The following FOCAD variants were observed in gnomAD, a reference collection of about 807,000 sequenced individuals.
FOCAD encodes the protein focadhesin.
Under a neutral mutation model 225.6 loss-of-function variants are expected in FOCAD, and 198 were observed. The ratio of observed to expected loss-of-function variants is 0.88; its 90% CI spans 0.78 to 0.99. The LOEUF (loss-of-function observed/expected upper bound fraction) is 0.99, where lower values mean the gene tolerates loss of function less well. Among genes scored for constraint, FOCAD ranks in the 50% least tolerant of loss-of-function variants. FOCAD has a pLI of 0.00. For missense variants in FOCAD, 2,713 were observed against 2,123.6 expected (o/e 1.28, Z -5.46); for synonymous variants, 897 against 755.0 (o/e 1.19, Z -3.08).
At chr9:20,842,656 T>G (rs1826659864) in intron 15 of FOCAD, among the ~76,000 whole-genome samples, 2 of 152,000 alleles carry the variant, frequency 1.3e-5, no homozygotes, top group Admixed American at 6.6e-5. Context: ...CAGTTGAATG[T>G]TGTTTCTTCA....
chr9:20,864,151 T>G (rs1829030795), intron 16 of FOCAD, among the ~76,000 whole-genome samples: 1 of 152,088 alleles, frequency 6.6e-6, no homozygotes, highest in South Asian at 2.1e-4. Context: ...CCCACTTTCA[T>G]CTGTGTGTGT....
chr9:20,944,724 C>T lies in FOCAD; in HGVS notation c.3505C>T (p.Leu1169=). ...RVHVAALLRK[L]SAHVDDSGSQ... ...TCACGTAGCAGCATTGCTCCGGAAGCTGTCTGCGCACGTAGATGACAGCGG... is the reference window on the plus strand; with the variant it reads ...TCACGTAGCAGCATTGCTCCGGAAGTTGTCTGCGCACGTAGATGACAGCGG... Residue 1169 remains leucine, a synonymous_variant, in exon 29 of 44, where the codon CTG becomes TTG. Transcript: ENST00000338382. The T allele has an allele frequency of 1.2e-6, 2 of 1,614,066 alleles. No homozygotes were observed. The highest frequency in any genetic ancestry group is 1.7e-6 in the Non-Finnish European group (2 of 1,179,936).
chr9:20,780,462 C>G (rs1194614385), intron 9 of FOCAD, among the ~76,000 whole-genome samples: 1 of 152,106 alleles, frequency 6.6e-6, no homozygotes, highest in Admixed American at 6.6e-5. Flanking sequence ...CTCTCGTAAA[C>G]CAATATCTCT....
At chr9:20,835,802 G>A (rs1271631701) in intron 15 of FOCAD, among the ~76,000 whole-genome samples, 1 of 152,006 alleles carries the variant, frequency 6.6e-6, no homozygotes, top group Admixed American at 6.6e-5. Flanking sequence ...AAATTAATAG[G>A]CGTTGCAAGA....
intron 18 of FOCAD, among the ~76,000 whole-genome samples, chr9:20,868,971 C>G (rs1016438274): frequency 6.6e-6 from 1 of 152,112 alleles, no homozygotes; most frequent in Non-Finnish European, 1.5e-5. Context: ...CACCTAAAGA[C>G]TAAAAGTCCA....
chr9:20,873,271 C>T (rs1236910618), intron 18 of FOCAD, among the ~76,000 whole-genome samples: 1 of 152,100 alleles, frequency 6.6e-6, no homozygotes, highest in Non-Finnish European at 1.5e-5. Flanking sequence ...GGAAGCAAGG[C>T]AGAAGAACTC....
At chr9:20,896,053 C>G (rs1178391370) in intron 21 of FOCAD, among the ~76,000 whole-genome samples, 1 of 151,724 alleles carries the variant, frequency 6.6e-6, no homozygotes, top group Non-Finnish European at 1.5e-5. Flanking sequence ...TTCTAGTTTA[C>G]TGAGAGTTTT....
chr9:20,662,653 T>G (rs970009014), intron 2 of FOCAD, among the ~76,000 whole-genome samples: 3 of 151,678 alleles, frequency 2.0e-5, no homozygotes, highest in Non-Finnish European at 4.4e-5. Context: ...GAGGTGGGGG[T>G]CTCATTATAT....
chr9:20,762,425 A>G (rs1364230921), intron 6 of FOCAD, among the ~76,000 whole-genome samples: 2 of 152,222 alleles, frequency 1.3e-5, no homozygotes, highest in South Asian at 2.1e-4. Flanking sequence ...TGTGAGCTCT[A>G]TGAGAGCAGG....
At chr9:20,664,557 A>G (rs1821837145) in intron 2 of FOCAD, among the ~76,000 whole-genome samples, 2 of 152,028 alleles carry the variant, frequency 1.3e-5, no homozygotes, top group African/African-American at 4.8e-5. Context: ...AGGGAGAGAT[A>G]AATCCCATAA....
intron 26 of FOCAD, 39 bp downstream of exon 26, chr9:20,926,456 A>G: frequency 7.8e-7 from 1 of 1,288,908 alleles, no homozygotes; most frequent in Non-Finnish European, 1.1e-6. Flanking sequence ...AAAACTCAAG[A>G]ATTGACTCTT....
intron 23 of FOCAD, among the ~76,000 whole-genome samples, chr9:20,914,175 C>T (rs1356985117): frequency 1.3e-5 from 2 of 151,800 alleles, no homozygotes; most frequent in Non-Finnish European, 2.9e-5. Flanking sequence ...TCCTCATCCT[C>T]ACTTAATTGG....
chr9:20,944,595 A>C, intron 28 of FOCAD, 32 bp from the exon 29 acceptor site: 2 of 1,599,944 alleles, frequency 1.3e-6, no homozygotes, highest in Non-Finnish European at 1.7e-6. Flanking sequence ...ATTTCTTATG[A>C]TCCTAACATC....
intron 11 of FOCAD, among the ~76,000 whole-genome samples, chr9:20,797,472 T>G (rs1050472012): frequency 4.6e-5 from 7 of 152,174 alleles, no homozygotes; most frequent in African/African-American, 1.7e-4. Flanking sequence ...TTCCATTTGT[T>G]TGTATCCTCT....
chr9:20,672,546 G>T (rs1422565282), intron 2 of FOCAD, among the ~76,000 whole-genome samples: 1 of 152,160 alleles, frequency 6.6e-6, no homozygotes, highest in Non-Finnish European at 1.5e-5. Context: ...TGCCTCCCGG[G>T]CTCACGCCAT....
intron 21 of FOCAD, among the ~76,000 whole-genome samples, 188 bp from the exon 22 acceptor site, chr9:20,906,962 C>G (rs1195038776): frequency 6.6e-6 from 1 of 151,998 alleles, no homozygotes; most frequent in African/African-American, 2.4e-5. Flanking sequence ...TTTGTCTTCA[C>G]AAGACTCTAA....
At chr9:20,949,051 C>T (rs927283221) in intron 32 of FOCAD, 123 bp downstream of exon 32, 2 of 822,314 alleles carry the variant, frequency 2.4e-6, no homozygotes, top group African/African-American at 1.7e-5. Context: ...AATAGTTACA[C>T]CAGACTTTTT....
At chr9:20,981,267 C>T (rs1195257391) in intron 37 of FOCAD, among the ~76,000 whole-genome samples, 159 bp from the exon 38 acceptor site, 2 of 152,112 alleles carry the variant, frequency 1.3e-5, no homozygotes, top group African/African-American at 4.8e-5. Context: ...ATTGGTGGCC[C>T]ATTGGACCGT....
intron 11 of FOCAD, among the ~76,000 whole-genome samples, chr9:20,794,802 A>G (rs1820885420): frequency 6.6e-6 from 1 of 152,192 alleles, no homozygotes; most frequent in African/African-American, 2.4e-5. Context: ...CTTGAAAAAA[A>G]CTAATTTTGA....
Sources: allele counts gnomAD v4.1 joint callset (sites outside exome capture counted in the v4.1 genomes callset), GRCh38; gene constraint gnomAD v4.1.1; transcripts MANE v1.5; gene names NCBI Gene and HGNC (gene_info 2026-07-23, HGNC 2026-07-21).